SUV39H2: variants seen among roughly 807,000 people sequenced by gnomAD.
SUV39H2 encodes SUV39H2 histone lysine methyltransferase, also known as histone-lysine N-methyltransferase SUV39H2.
Under a neutral mutation model 47.5 loss-of-function variants are expected in SUV39H2, and 10 were observed. The ratio of observed to expected loss-of-function variants is 0.21; its 90% CI spans 0.13 to 0.36. The LOEUF (loss-of-function observed/expected upper bound fraction) is 0.36, where lower values mean the gene tolerates loss of function less well. SUV39H2 is among the 10% of genes least tolerant of loss of function. SUV39H2 has a pLI of 1.00. For synonymous variants in SUV39H2, 159 were observed against 166.8 expected (o/e 0.95, Z 0.36); for missense variants, 266 against 487.4 (o/e 0.55, Z 4.28).
intron 2 of SUV39H2, among the ~76,000 whole-genome samples, chr10:14,892,794 C>T (rs531727108): frequency 1.4e-4 from 21 of 151,020 alleles, no homozygotes; most frequent in Non-Finnish European, 2.5e-4. Flanking sequence ...TAACTGACAC[C>T]GAAGATAGTT....
rs1171619530 is a variant in SUV39H2, at chr10:14,902,612, T to C, written c.*100T>C. Reference sequence around the variant, plus strand: ...GGACTCTTATTATCAAGGTTCTACCTATGTTAATTTACAATTCATGTTTCA... The same window carrying C: ...GGACTCTTATTATCAAGGTTCTACCCATGTTAATTTACAATTCATGTTTCA... On this transcript the variant is annotated 3_prime_UTR_variant, in exon 6 of 6. Coordinates refer to ENST00000354919, the MANE Select transcript of SUV39H2 (RefSeq NM_001193424.2). 3 of 718,412 alleles carry C rather than the reference T, an allele frequency of 4.2e-6. No homozygotes were observed. The African/African-American group carries it at 5.4e-5, about 13-fold the overall frequency. The allele number at this position is 718,412 out of a possible 1,614,324, so 44.5% of individuals were successfully genotyped here. A position where few individuals can be genotyped will look rare whatever the true frequency, so the allele number is the denominator to read the frequency against.
chr10:14,880,086 G>A (rs1470997844), intron 1 of SUV39H2: 1 of 151,974 alleles, frequency 6.6e-6, no homozygotes, highest in Non-Finnish European at 1.5e-5. Context: ...AACACAAAAC[G>A]TTCTCTAGTT....
At chr10:14,883,732 A>T (rs940740097) in intron 2 of SUV39H2, among the ~76,000 whole-genome samples, 66 of 146,724 alleles carry the variant, frequency 4.5e-4, no homozygotes, top group Middle Eastern at 6.9e-3. Context: ...AAAAAAAAAA[A>T]TCCCACAGAT....
At chr10:14,882,233 G>C (rs1396633236) in intron 2 of SUV39H2, among the ~76,000 whole-genome samples, 1 of 152,204 alleles carries the variant, frequency 6.6e-6, no homozygotes, top group Non-Finnish European at 1.5e-5. Context: ...GATCTAAACT[G>C]TATATTTTTG....
At position 14,882,838 on chromosome 10, in the gene SUV39H2, T is replaced by C. The variant is rs539932195; in HGVS notation, c.177+1193T>C. On this transcript the variant is annotated intron_variant, in intron 2 of 5. Transcript: ENST00000354919. ...TCCAGAGGTGTCACCATTTTTCTTTTTTCTTCCTATCTACCCCCTATAGGA... is the reference window on the plus strand; with the variant it reads ...TCCAGAGGTGTCACCATTTTTCTTTCTTCTTCCTATCTACCCCCTATAGGA... 7.8e-4 allele frequency among the ~76,000 whole-genome samples: 118 copies of C among 152,148 alleles called. 1 individual carries two copies. The highest frequency in any genetic ancestry group is 2.6e-3 in the African/African-American group (109 of 41,528).
rs1588842834 is a variant in SUV39H2 at position 14,892,410 on chromosome 10, C to G, written c.178-4436C>G. Among the ~76,000 whole-genome samples, 3 of 152,286 alleles carry G rather than the reference C, an allele frequency of 2.0e-5. No homozygotes were observed. In the East Asian group the frequency reaches 5.8e-4, roughly 29 times the overall value. ...CTTGCCTTACCATGACAAGTTTTAG[C>G]TTGTTTCAACATTCCGAACCTTAAA... On this transcript the variant is annotated intron_variant, in intron 2 of 5. Transcript: ENST00000354919.
At chr10:14,884,731 T>C (rs894304564) in intron 2 of SUV39H2, among the ~76,000 whole-genome samples, 2 of 152,238 alleles carry the variant, frequency 1.3e-5, no homozygotes, top group African/African-American at 4.8e-5. Context: ...CACTGTTGGC[T>C]ACCTTTTCCT....
intron 2 of SUV39H2, among the ~76,000 whole-genome samples, chr10:14,891,344 C>T (rs1833383134): frequency 6.6e-6 from 1 of 152,118 alleles, no homozygotes; most frequent in South Asian, 2.1e-4. Flanking sequence ...GGGAACAGTT[C>T]CAGAGTGGCT....
chr10:14,881,240 A>G (rs1048495619), intron 1 of SUV39H2, among the ~76,000 whole-genome samples: 6 of 152,214 alleles, frequency 3.9e-5, no homozygotes, highest in East Asian at 1.9e-4. Context: ...AACATTTTCA[A>G]GTGACTTAAT....
chr10:14,885,844 G>T (rs1333251626), intron 2 of SUV39H2, among the ~76,000 whole-genome samples: 3 of 152,148 alleles, frequency 2.0e-5, no homozygotes, highest in Admixed American at 1.3e-4. Context: ...CTTAGCTCAT[G>T]AAAGATACTG....
At chr10:14,887,161 T>G (rs934005116) in intron 2 of SUV39H2, among the ~76,000 whole-genome samples, 5 of 152,266 alleles carry the variant, frequency 3.3e-5, no homozygotes, top group African/African-American at 1.2e-4. Flanking sequence ...ATGGCTGTCA[T>G]AGTAACCAGA....
chr10:14,892,069 G>A (rs1833406750), intron 2 of SUV39H2, among the ~76,000 whole-genome samples: 1 of 152,194 alleles, frequency 6.6e-6, no homozygotes, highest in Non-Finnish European at 1.5e-5. Flanking sequence ...GGTCCTGAGT[G>A]TCTCCATCGT....
intron 2 of SUV39H2, among the ~76,000 whole-genome samples, chr10:14,896,548 A>G (rs762229553): frequency 1.6e-4 from 25 of 152,324 alleles, no homozygotes; most frequent in Non-Finnish European, 3.2e-4. Context: ...AACCTGAATC[A>G]CCATTTAGTA....
At chr10:14,899,723 A>G (rs776944452) in intron 4 of SUV39H2, 38 bp downstream of exon 4, 17 of 1,608,000 alleles carry the variant, frequency 1.1e-5, no homozygotes, top group Non-Finnish European at 1.4e-5. Context: ...ACGACTAACA[A>G]TTCAACCTAG....
intron 2 of SUV39H2, among the ~76,000 whole-genome samples, chr10:14,884,976 C>T (rs147170330): frequency 6.6e-6 from 1 of 152,176 alleles, no homozygotes; most frequent in African/African-American, 2.4e-5. Context: ...TGAGTGCTTA[C>T]TGTGATTATT....
intron 2 of SUV39H2, among the ~76,000 whole-genome samples, 176 bp from the exon 3 acceptor site, chr10:14,896,670 A>T (rs1356254562): frequency 1.3e-5 from 2 of 152,182 alleles, no homozygotes; most frequent in African/African-American, 4.8e-5. Context: ...TATAAGGAAA[A>T]ATAGTTTTAT....
rs1375011691 is a variant in SUV39H2 at position 14,902,445 on chromosome 10, C to A, written c.1166C>A (p.Pro389Gln). Reference protein sequence around the residue: ...DISSDSIDHSPAKKRVRTVCK... With the variant: ...DISSDSIDHSQAKKRVRTVCK... ...TCTTCAGATTCTATTGACCACAGCCCAGCCAAAAAGAGGGTCAGAACAGTA... is the reference window on the plus strand; with the variant it reads ...TCTTCAGATTCTATTGACCACAGCCAAGCCAAAAAGAGGGTCAGAACAGTA... Residue 389 changes from proline to glutamine, a missense_variant, in exon 6 of 6, where the codon CCA becomes CAA. Around this residue, in one of 4 missense-constraint regions of SUV39H2, gnomAD observed 112 missense variants for 271.9 expected, o/e 0.41. Coordinates refer to ENST00000354919, the MANE Select transcript of SUV39H2 (RefSeq NM_001193424.2). 2 of 1,610,500 alleles carry A rather than the reference C, an allele frequency of 1.2e-6. No homozygotes were observed. Among genetic ancestry groups the A allele is most frequent in the Admixed American group, 3.4e-5 (2 of 59,632 alleles).
At chr10:14,888,162 T>C (rs532873231) in intron 2 of SUV39H2, among the ~76,000 whole-genome samples, 10 of 152,286 alleles carry the variant, frequency 6.6e-5, no homozygotes, top group African/African-American at 2.4e-4. Context: ...GTTGAAAACA[T>C]GACTCTGGCT....
At chr10:14,896,133 G>A (rs551141790) in intron 2 of SUV39H2, among the ~76,000 whole-genome samples, 8 of 152,166 alleles carry the variant, frequency 5.3e-5, no homozygotes, top group Admixed American at 1.3e-4. Flanking sequence ...AGTAAAGATG[G>A]GGTTTTCCCA....
Sources: allele counts gnomAD v4.1 joint callset (sites outside exome capture counted in the v4.1 genomes callset), GRCh38; gene constraint gnomAD v4.1.1; regional missense constraint gnomAD v4.1.1; transcripts MANE v1.5; gene names NCBI Gene and HGNC (gene_info 2026-07-23, HGNC 2026-07-21).